Variants in COLGALT2 observed in about 807,000 individuals in gnomAD.
COLGALT2 encodes procollagen galactosyltransferase 2.
A neutral mutation model predicts 73.4 loss-of-function variants in COLGALT2; 49 were observed. The ratio of observed to expected loss-of-function variants is 0.67; its 90% CI spans 0.53 to 0.85. COLGALT2 has a LOEUF of 0.85. Among genes scored for constraint, COLGALT2 ranks in the 40% least tolerant of loss-of-function variants. The probability of loss-of-function intolerance (pLI) is 0.00; values close to 1 mark genes in which losing one functional copy is unlikely to be tolerated. For missense variants in COLGALT2, 722 were observed against 790.2 expected (o/e 0.91, Z 1.03); for synonymous variants, 295 against 307.6 (o/e 0.96, Z 0.43).
At chr1:183,974,788 T>C (rs1266467099) in intron 3 of COLGALT2, among the ~76,000 whole-genome samples, 2 of 152,248 alleles carry the variant, frequency 1.3e-5, no homozygotes, top group Non-Finnish European at 2.9e-5. Flanking sequence ...ACAACTTACA[T>C]TGCTTTACCT....
chr1:183,964,138 TG>T, intron 5 of COLGALT2, 118 bp from the exon 6 acceptor site: 1 of 1,169,676 alleles, frequency 8.5e-7, no homozygotes, highest in Non-Finnish European at 1.2e-6. Context: ...ATTAAATAAG[TG>T]GTTGTTTCAG....
chr1:183,975,080 C>G lies in COLGALT2; in HGVS notation c.492+17G>C. The G allele has an allele frequency of 6.4e-7, 1 of 1,553,452 alleles. No homozygotes were observed. Among genetic ancestry groups the G allele is most frequent in the Admixed American group, 1.7e-5 (1 of 59,832 alleles). On this transcript the variant is annotated intron_variant, in intron 3 of 11. Coordinates refer to ENST00000361927, the MANE Select transcript of COLGALT2 (RefSeq NM_015101.4). ...CCTGAGATGACAGTTGTCAAGAAAT[C>G]AAACATCTGTTTTTACCAGAATGTA...
Position 184,037,513 on chromosome 1 carries a change from G to C in COLGALT2, c.-156C>G. On this transcript the variant is annotated 5_prime_UTR_variant, in exon 1 of 12. Transcript: ENST00000361927. The stretch of plus-strand genomic sequence containing the variant: ...GCCGGCTCACACACTGGCCTCGGCG[G>C]CTGCGGTTCCCAGGACCCTCCCGCC... The C allele has an allele frequency of 1.7e-6, 2 of 1,156,738 alleles. No homozygotes were observed. Among genetic ancestry groups the C allele is most frequent in the Non-Finnish European group, 2.1e-6 (2 of 941,120 alleles). 71.7% of individuals were successfully genotyped at this position (1,156,738 alleles called of 1,614,324 possible). A position where few individuals can be genotyped will look rare whatever the true frequency, so the allele number is the denominator to read the frequency against.
At chr1:184,016,457 C>T (rs1452325100) in intron 1 of COLGALT2, among the ~76,000 whole-genome samples, 3 of 152,162 alleles carry the variant, frequency 2.0e-5, no homozygotes, top group Non-Finnish European at 4.4e-5. Context: ...TAACATAGAA[C>T]TTTAAAAGAA....
At chr1:184,034,558 C>CT (rs1280826554) in intron 1 of COLGALT2, among the ~76,000 whole-genome samples, 1 of 152,116 alleles carries the variant, frequency 6.6e-6, no homozygotes, top group African/African-American at 2.4e-5. Context: ...TCTAAATACA[C>CT]TTTTTTTCAG....
At chr1:184,018,817 A>C (rs1396025966) in intron 1 of COLGALT2, among the ~76,000 whole-genome samples, 1 of 152,202 alleles carries the variant, frequency 6.6e-6, no homozygotes, top group Non-Finnish European at 1.5e-5. Flanking sequence ...AGCAGGGATC[A>C]GAATAAACTG....
chr1:183,952,176 T>A (rs1387720013), intron 7 of COLGALT2, among the ~76,000 whole-genome samples: 4 of 152,330 alleles, frequency 2.6e-5, no homozygotes, highest in Admixed American at 2.6e-4. Context: ...TAAATCAATG[T>A]TTTAATAAGG....
At chr1:183,996,176 C>T (rs1033922290) in intron 1 of COLGALT2, among the ~76,000 whole-genome samples, 8 of 152,304 alleles carry the variant, frequency 5.3e-5, no homozygotes, top group Non-Finnish European at 1.0e-4. Context: ...CCACAGCTGG[C>T]CCGCATGCTG....
At chr1:183,999,814 T>C (rs913935588) in intron 1 of COLGALT2, among the ~76,000 whole-genome samples, 2 of 152,136 alleles carry the variant, frequency 1.3e-5, no homozygotes, top group Non-Finnish European at 2.9e-5. Flanking sequence ...TCATCCTTTA[T>C]ACTGTTTGTA....
chr1:183,956,257 C>A (rs774995211), intron 6 of COLGALT2, among the ~76,000 whole-genome samples: 2 of 152,192 alleles, frequency 1.3e-5, no homozygotes, highest in Non-Finnish European at 2.9e-5. Context: ...TACTTATTGG[C>A]GAATGATGTG....
chr1:183,953,804 A>G (rs1263947017), intron 7 of COLGALT2, among the ~76,000 whole-genome samples: 1 of 152,196 alleles, frequency 6.6e-6, no homozygotes, highest in Non-Finnish European at 1.5e-5. Context: ...GCTCCAAATC[A>G]GTCTTACGGA....
chr1:183,950,099 GC>G (rs1379914582), intron 8 of COLGALT2, among the ~76,000 whole-genome samples: 3 of 152,166 alleles, frequency 2.0e-5, no homozygotes, highest in African/African-American at 7.2e-5. Context: ...AATTTAACTG[GC>G]TATCCAGTAT....
intron 1 of COLGALT2, among the ~76,000 whole-genome samples, chr1:184,004,609 T>C (rs1002695939): frequency 1.5e-4 from 23 of 152,222 alleles, no homozygotes; most frequent in African/African-American, 5.5e-4. Flanking sequence ...ATTTTCTATT[T>C]CCATAATCTC....
downstream of COLGALT2, among the ~76,000 whole-genome samples, chr1:183,931,108 A>G (rs1669836111): frequency 6.6e-6 from 1 of 152,230 alleles, no homozygotes; most frequent in Admixed American, 6.5e-5. Flanking sequence ...TGAGGCTGAG[A>G]CACAGAACAG....
chr1:184,008,884 T>C (rs756183324), intron 1 of COLGALT2, among the ~76,000 whole-genome samples: 1 of 152,112 alleles, frequency 6.6e-6, no homozygotes, highest in Non-Finnish European at 1.5e-5. Context: ...TAAAAAATAA[T>C]ATGTATAAAA....
chr1:184,000,992 G>A (rs1671906669), intron 1 of COLGALT2, among the ~76,000 whole-genome samples: 1 of 152,038 alleles, frequency 6.6e-6, no homozygotes. Flanking sequence ...ACCACGCCTG[G>A]CTAATTTTTT....
chr1:184,023,854 CT>C, intron 1 of COLGALT2, among the ~76,000 whole-genome samples: 1 of 152,064 alleles, frequency 6.6e-6, no homozygotes, highest in Non-Finnish European at 1.5e-5. Context: ...ATTCTCTGGG[CT>C]TTTTTTCTTC....
At chr1:183,977,155 C>G (rs1014834523) in intron 2 of COLGALT2, among the ~76,000 whole-genome samples, 1 of 152,092 alleles carries the variant, frequency 6.6e-6, no homozygotes, top group African/African-American at 2.4e-5. Flanking sequence ...TGTAGGATGA[C>G]TTGGAGATAG....
chr1:184,031,690 C>G (rs1387454424), intron 1 of COLGALT2, among the ~76,000 whole-genome samples: 2 of 152,198 alleles, frequency 1.3e-5, no homozygotes, highest in Non-Finnish European at 1.5e-5. Context: ...TTTATATTCT[C>G]TGTGCCTCGG....
Sources: gnomAD v4.1 joint callset for allele counts (sites outside exome capture counted in the v4.1 genomes callset) on GRCh38, gnomAD v4.1.1 for gene constraint, MANE v1.5 for transcripts, NCBI Gene and HGNC (gene_info 2026-07-23, HGNC 2026-07-21) for gene names.